The following GYG2 variants were observed in gnomAD, a reference collection of about 807,000 sequenced individuals.
The protein encoded by GYG2 is glycogenin 2.
In GYG2, 29 loss-of-function variants were observed where a neutral mutation model predicts 29.4. That is an observed-to-expected ratio of 0.99 (90% CI 0.74 to 1.35). GYG2 has a LOEUF of 1.35. Ranked by LOEUF, GYG2 falls within the 40% of genes most tolerant of loss-of-function variation. The probability of loss-of-function intolerance (pLI) is 0.00; values close to 1 mark genes in which losing one functional copy is unlikely to be tolerated. For missense variants in GYG2, 370 were observed against 385.7 expected, an observed-to-expected ratio of 0.96 and a Z score of 0.34; for synonymous variants, 167 against 172.3, an observed-to-expected ratio of 0.97 and a Z score of 0.24.
chrX:2,843,927 C>T (rs1430769647), intron 3 of GYG2, among the ~76,000 whole-genome samples: 1 of 112,522 alleles, frequency 8.9e-6, no homozygotes, highest in Non-Finnish European at 1.9e-5. Context: ...CAGGCATGAA[C>T]CATGGCACCC....
intron 6 of GYG2, 75 bp from the exon 7 acceptor site, chrX:2,859,768 T>G: frequency 1.6e-6 from 1 of 618,781 alleles, no homozygotes; most frequent in Non-Finnish European, 2.6e-6. Flanking sequence ...AGGAGCCCCA[T>G]GGTAGGTGGA....
chrX:2,862,616 G>T (rs758022629), intron 8 of GYG2, among the ~76,000 whole-genome samples: 9 of 111,866 alleles, frequency 8.0e-5, no homozygotes, highest in African/African-American at 2.9e-4. Flanking sequence ...GACCTGCACA[G>T]TGGTGTCTGC....
At chrX:2,860,488 A>G (rs1337420596) in intron 7 of GYG2, among the ~76,000 whole-genome samples, 3 of 110,694 alleles carry the variant, frequency 2.7e-5, no homozygotes, top group Non-Finnish European at 5.7e-5. Context: ...ATTGCAAAGA[A>G]TATAATGACA....
At chrX:2,874,827 C>T (rs763723421) in intron 8 of GYG2, among the ~76,000 whole-genome samples, 26 of 111,959 alleles carry the variant, frequency 2.3e-4, no homozygotes, top group African/African-American at 5.2e-4. Context: ...TCATGGCCTG[C>T]GGGTCTGCAT....
At chrX:2,834,324 T>C (rs933015713) in intron 2 of GYG2, among the ~76,000 whole-genome samples, 48 of 111,819 alleles carry the variant, frequency 4.3e-4, no homozygotes, top group African/African-American at 1.5e-3. Context: ...CATGTCTGTG[T>C]TGGAAAGGGA....
intron 8 of GYG2, among the ~76,000 whole-genome samples, chrX:2,864,036 A>T (rs1246660208): frequency 8.9e-6 from 1 of 112,472 alleles, no homozygotes; most frequent in Non-Finnish European, 1.9e-5. Flanking sequence ...TATGTGCATT[A>T]CAGCACCTTA....
intron 2 of GYG2, among the ~76,000 whole-genome samples, chrX:2,842,394 G>C (rs2087524070): frequency 1.9e-5 from 2 of 108,065 alleles, no homozygotes; most frequent in Admixed American, 1.0e-4. Context: ...ATGAGGTCTT[G>C]CTGTGTTTCC....
At chrX:2,863,802 C>T (rs930935501) in intron 8 of GYG2, among the ~76,000 whole-genome samples, 2 of 111,635 alleles carry the variant, frequency 1.8e-5, no homozygotes, top group Admixed American at 1.9e-4. Context: ...GTGCCTCATG[C>T]GAGTCAAGTC....
chrX:2,858,037 A>T (rs1187539436), intron 6 of GYG2, among the ~76,000 whole-genome samples: 1 of 110,588 alleles, frequency 9.0e-6, no homozygotes, highest in African/African-American at 3.3e-5. Flanking sequence ...TAATATAGAA[A>T]TTTTTTTAAT....
At chrX:2,848,261 G>C (rs923247820) in intron 3 of GYG2, among the ~76,000 whole-genome samples, 3 of 111,630 alleles carry the variant, frequency 2.7e-5, no homozygotes, top group Non-Finnish European at 5.6e-5. Flanking sequence ...GCAACTGGCT[G>C]GGTGTGGTAC....
Position 2,860,072 on chromosome X carries a change from G to T in GYG2, c.837+7G>T, listed in dbSNP as rs1180286918. 2.7e-6 allele frequency: 3 copies of T among 1,100,661 alleles called. No homozygotes were observed. Among genetic ancestry groups the T allele is most frequent in the Non-Finnish European group, 3.7e-6 (3 of 805,570 alleles). The allele number at this position is 1,100,661 out of a possible 1,213,427, so 90.7% of individuals were successfully genotyped here. A position where few individuals can be genotyped will look rare whatever the true frequency, so the allele number is the denominator to read the frequency against. ...CGCGTCTCCTGGTCACACAGTAAGT[G>T]GGGGATTCCCTTAAAACCCGTAGCT... On this transcript the variant is annotated splice_region_variant and intron_variant, in intron 7 of 10. Transcript: ENST00000398806.
intron 8 of GYG2, among the ~76,000 whole-genome samples, chrX:2,864,570 C>T (rs1216514217): frequency 9.1e-6 from 1 of 110,331 alleles, no homozygotes; most frequent in African/African-American, 3.3e-5. Context: ...CTTCACAAGA[C>T]TCTATTGAGT....
chrX:2,880,164 A>ATG (rs10534403), intron 10 of GYG2, among the ~76,000 whole-genome samples: 2,300 of 105,167 alleles, frequency 0.022, 21 homozygotes, highest in East Asian at 0.036. Context: ...GCCAAACAAA[A>ATG]TGTGTGTGTG....
intron 3 of GYG2, among the ~76,000 whole-genome samples, chrX:2,846,051 ATATATTTTTTTTTT>A (rs1569058785): frequency 3.5e-4 from 10 of 28,530 alleles, no homozygotes; most frequent in South Asian, 1.7e-3. Context: ...ATATATATAT[ATATATTTTTTTTTT>A]TTTTTTTTTT....
rs2087925043 is a variant in GYG2 at position 2,854,054 on chromosome X, C to G, written c.224C>G (p.Ala75Gly). The change falls in exon 4 of 11, where the codon GCC becomes GGC. Residue 75 changes from alanine to glycine, a missense_variant. Coordinates refer to ENST00000398806, the MANE Select transcript of GYG2 (RefSeq NM_001079855.2). ...GATAGTGCCGACTACATCCACCTGGCCTTTCTGAAGAGACCTGAGCTCGGG... is the reference window on the plus strand; with the variant it reads ...GATAGTGCCGACTACATCCACCTGGGCTTTCTGAAGAGACCTGAGCTCGGG... Reference protein sequence around the residue: ...LIDSADYIHLAFLKRPELGLT... With the variant: ...LIDSADYIHLGFLKRPELGLT... The G allele has an allele frequency of 8.3e-7, 1 of 1,197,742 alleles. No individual in the cohort carries two copies. Among genetic ancestry groups the G allele is most frequent in the African/African-American group, 1.7e-5 (1 of 57,595 alleles).
At chrX:2,863,441 T>C (rs749127934) in intron 8 of GYG2, among the ~76,000 whole-genome samples, 5 of 112,002 alleles carry the variant, frequency 4.5e-5, no homozygotes, top group Non-Finnish European at 7.5e-5. Flanking sequence ...TTTGAGATCA[T>C]ACTTAGGGAA....
chrX:2,880,164 A>ATGTGTGTGTG (rs10534403), intron 10 of GYG2, among the ~76,000 whole-genome samples: 30 of 105,227 alleles, frequency 2.9e-4, no homozygotes, highest in Non-Finnish European at 3.7e-4. Context: ...GCCAAACAAA[A>ATGTGTGTGTG]TGTGTGTGTG....
intron 3 of GYG2, among the ~76,000 whole-genome samples, chrX:2,843,954 C>G (rs6641661): frequency 8.9e-6 from 1 of 112,240 alleles, no homozygotes; most frequent in African/African-American, 3.2e-5. Context: ...GGAGTCTTTT[C>G]TTATAATTTC....
intron 6 of GYG2, among the ~76,000 whole-genome samples, chrX:2,857,847 G>A (rs1289306833): frequency 9.1e-6 from 1 of 110,350 alleles, no homozygotes; most frequent in Non-Finnish European, 1.9e-5. Flanking sequence ...TTTAAAAAAA[G>A]AATTTGAAGA....
Sources: gnomAD v4.1 joint callset for allele counts (sites outside exome capture counted in the v4.1 genomes callset) on GRCh38, gnomAD v4.1.1 for gene constraint, MANE v1.5 for transcripts, NCBI Gene and HGNC (gene_info 2026-07-23, HGNC 2026-07-21) for gene names.